Variants in RABGAP1L observed in about 807,000 individuals in gnomAD.
RABGAP1L encodes the protein rab GTPase-activating protein 1-like.
RABGAP1L carries 63 observed loss-of-function variants against 137.7 expected under a neutral mutation model. The observed-to-expected ratio is 0.46, with a 90% CI of 0.37 to 0.56. The LOEUF is 0.56. RABGAP1L is among the 20% of genes least tolerant of loss of function. RABGAP1L has a pLI of 0.00. For synonymous variants in RABGAP1L, 431 were observed against 433.7 expected (o/e 0.99, Z 0.08); for missense variants, 1,095 against 1,244.0 (o/e 0.88, Z 1.80).
At chr1:174,814,137 G>A (rs1408934289) in intron 19 of RABGAP1L, among the ~76,000 whole-genome samples, 1 of 152,150 alleles carries the variant, frequency 6.6e-6, no homozygotes. Context: ...CTGAGAGATG[G>A]AGAAGCGTAA....
At chr1:174,485,855 A>T (rs925291606) in intron 13 of RABGAP1L, among the ~76,000 whole-genome samples, 1 of 152,182 alleles carries the variant, frequency 6.6e-6, no homozygotes, top group Non-Finnish European at 1.5e-5. Context: ...GGCCTTGTAG[A>T]GTGAGTTTGT....
intron 21 of RABGAP1L, among the ~76,000 whole-genome samples, chr1:174,975,362 A>G (rs1013835132): frequency 2.6e-5 from 4 of 152,204 alleles, no homozygotes; most frequent in African/African-American, 9.7e-5. Flanking sequence ...GTGAACTTGA[A>G]GCCGAGGCCT....
rs201826511 is a variant in RABGAP1L at position 174,502,651 on chromosome 1, CAT to C, written c.1710+108513_1710+108514del. ...ATATATATGTGTGTATATATATGTA[CAT>C]ATATATGTGTGTGTGTATATATACA... On this transcript the variant is annotated intron_variant, in intron 13 of 25. Transcript: ENST00000681986. Among the ~76,000 whole-genome samples the C allele has an allele frequency of 3.0e-3, 406 of 133,584 alleles. 6 individuals are homozygous for C. The highest frequency in any genetic ancestry group is 0.01 in the African/African-American group (354 of 34,808). 87.6% of individuals were successfully genotyped at this position (133,584 alleles called of 152,430 possible).
chr1:174,612,470 C>G lies in RABGAP1L; in HGVS notation c.1711-24905C>G, dbSNP rs551130203. ...GGATTCGGTTTGCCAGTATTTTATTCAGGATTTTTGCATCAATGTTCACCA... is the reference window on the plus strand; with the variant it reads ...GGATTCGGTTTGCCAGTATTTTATTGAGGATTTTTGCATCAATGTTCACCA... On this transcript the variant is annotated intron_variant, in intron 13 of 25. Transcript: ENST00000681986. Among the ~76,000 whole-genome samples, 1,226 of 152,142 alleles carry G rather than the reference C, an allele frequency of 8.1e-3. 18 individuals are homozygous for G. Among genetic ancestry groups the G allele is most frequent in the African/African-American group, 0.025 (1,054 of 41,512 alleles).
At chr1:174,189,343 T>C (rs560384458) in intron 1 of RABGAP1L, among the ~76,000 whole-genome samples, 3 of 152,212 alleles carry the variant, frequency 2.0e-5, no homozygotes, top group Admixed American at 6.5e-5. Flanking sequence ...TTGTTTACAT[T>C]GAAAATCTGT....
At chr1:174,442,466 T>G (rs2149234502) in intron 13 of RABGAP1L, among the ~76,000 whole-genome samples, 1 of 152,232 alleles carries the variant, frequency 6.6e-6, no homozygotes, top group East Asian at 1.9e-4. Flanking sequence ...CACCTAAACC[T>G]CCAAAGATTT....
intron 21 of RABGAP1L, among the ~76,000 whole-genome samples, chr1:174,973,521 A>C (rs1553298373): frequency 6.6e-6 from 1 of 151,650 alleles, no homozygotes; most frequent in Non-Finnish European, 1.5e-5. Context: ...AGTAGCTGGA[A>C]TTACAGGTGC....
chr1:174,607,688 C>T (rs1398674297), intron 13 of RABGAP1L, among the ~76,000 whole-genome samples: 1 of 152,166 alleles, frequency 6.6e-6, no homozygotes, highest in Non-Finnish European at 1.5e-5. Flanking sequence ...AATACAATAT[C>T]ACAGCCATGA....
intron 11 of RABGAP1L, among the ~76,000 whole-genome samples, chr1:174,360,633 C>T (rs916007819): frequency 6.6e-6 from 1 of 152,060 alleles, no homozygotes; most frequent in Non-Finnish European, 1.5e-5. Context: ...TATTTTGGTG[C>T]ATTTGGCATT....
chr1:174,744,090 TAAAAAAAAA>T (rs10694829), intron 17 of RABGAP1L, among the ~76,000 whole-genome samples: 1 of 45,134 alleles, frequency 2.2e-5, no homozygotes, highest in Middle Eastern at 0.019. Flanking sequence ...GTGAAATACG[TAAAAAAAAA>T]AAAAAAAAAA....
chr1:174,384,135 C>G (rs977763586), intron 12 of RABGAP1L, among the ~76,000 whole-genome samples: 4 of 152,198 alleles, frequency 2.6e-5, no homozygotes, highest in Non-Finnish European at 4.4e-5. Context: ...ACTGATGGAT[C>G]TCAAGTGCAT....
chr1:174,202,309 C>T (rs1262229695), intron 1 of RABGAP1L, among the ~76,000 whole-genome samples: 1 of 151,998 alleles, frequency 6.6e-6, no homozygotes, highest in Non-Finnish European at 1.5e-5. Context: ...CTCTCCAGCA[C>T]CTGTTGTTTC....
intron 12 of RABGAP1L, among the ~76,000 whole-genome samples, chr1:174,379,174 G>C (rs1438469064): frequency 6.0e-5 from 9 of 150,002 alleles, no homozygotes; most frequent in African/African-American, 2.2e-4. Flanking sequence ...GTACCATGCT[G>C]TTTTGGGTAC....
chr1:174,678,103 C>G (rs1677774824), intron 14 of RABGAP1L, among the ~76,000 whole-genome samples: 1 of 151,956 alleles, frequency 6.6e-6, no homozygotes, highest in Non-Finnish European at 1.5e-5. Context: ...CAATTAGGGA[C>G]TATTATGAAC....
At chr1:174,503,658 C>CAAAAAAA (rs61588327) in intron 13 of RABGAP1L, among the ~76,000 whole-genome samples, 3,121 of 103,036 alleles carry the variant, frequency 0.03, 139 homozygotes, top group African/African-American at 0.059. Context: ...GAGACTCCGT[C>CAAAAAAA]AAAAAAAAAA....
intron 13 of RABGAP1L, among the ~76,000 whole-genome samples, chr1:174,616,019 C>G (rs1288718798): frequency 1.3e-5 from 2 of 152,098 alleles, no homozygotes; most frequent in African/African-American, 4.8e-5. Context: ...CTCCCTGACC[C>G]CTTGCACTTC....
At chr1:174,843,861 C>T (rs1260851104) in intron 19 of RABGAP1L, among the ~76,000 whole-genome samples, 1 of 131,388 alleles carries the variant, frequency 7.6e-6, no homozygotes, top group Non-Finnish European at 1.6e-5. Context: ...AAAAGTGTTC[C>T]TATTTCTCCA....
chr1:174,543,422 C>T (rs1430336111), intron 13 of RABGAP1L, among the ~76,000 whole-genome samples: 2 of 151,940 alleles, frequency 1.3e-5, no homozygotes, highest in East Asian at 1.9e-4. Context: ...GCAACCCCTG[C>T]TTTTTTTTGT....
At chr1:174,714,645 T>C (rs1680852246) in intron 17 of RABGAP1L, among the ~76,000 whole-genome samples, 1 of 152,174 alleles carries the variant, frequency 6.6e-6, no homozygotes, top group Non-Finnish European at 1.5e-5. Context: ...GTAGCTCCAG[T>C]ACAGTGGGGG....
Sources: gnomAD v4.1 joint callset for allele counts (sites outside exome capture counted in the v4.1 genomes callset) on GRCh38, gnomAD v4.1.1 for gene constraint, MANE v1.5 for transcripts, NCBI Gene and HGNC (gene_info 2026-07-23, HGNC 2026-07-21) for gene names.